ZNF804B: variants seen among roughly 807,000 people sequenced by gnomAD.
The protein encoded by ZNF804B is zinc finger protein 804B, also known as zinc finger 804B.
In ZNF804B, 80 loss-of-function variants were observed where a neutral mutation model predicts 101.4. That is an observed-to-expected ratio of 0.79 (90% CI 0.66 to 0.95). The LOEUF (loss-of-function observed/expected upper bound fraction) is 0.95. Ranked by LOEUF, ZNF804B falls within the 40% of genes least tolerant of loss-of-function variation. ZNF804B has a pLI of 0.00. For missense variants in ZNF804B, 1,673 were observed against 1,561.9 expected (o/e 1.07, Z -1.20); for synonymous variants, 622 against 558.8 (o/e 1.11, Z -1.59).
At chr7:89,272,806 G>A (rs1260858514) in intron 2 of ZNF804B, among the ~76,000 whole-genome samples, 1 of 151,972 alleles carries the variant, frequency 6.6e-6, no homozygotes, top group Non-Finnish European at 1.5e-5. Context: ...CATCAGATCA[G>A]GAAAACAAAA....
At chr7:88,849,231 A>G (rs1791417026) in intron 1 of ZNF804B, among the ~76,000 whole-genome samples, 1 of 152,062 alleles carries the variant, frequency 6.6e-6, no homozygotes, top group Admixed American at 6.6e-5. Flanking sequence ...GTACTCTCCA[A>G]TTTTATTTTT....
At chr7:89,128,244 TAAGC>T (rs1488406789) in intron 1 of ZNF804B, among the ~76,000 whole-genome samples, 1 of 151,914 alleles carries the variant, frequency 6.6e-6, no homozygotes, top group African/African-American at 2.4e-5. Flanking sequence ...ATGTAGTTGT[TAAGC>T]AATATTAAAA....
intron 1 of ZNF804B, among the ~76,000 whole-genome samples, chr7:89,167,814 T>A (rs903515345): frequency 6.6e-6 from 1 of 152,138 alleles, no homozygotes; most frequent in Non-Finnish European, 1.5e-5. Flanking sequence ...TTAAGTTATA[T>A]AACTTGTCAT....
intron 2 of ZNF804B, among the ~76,000 whole-genome samples, chr7:89,230,276 TTAAC>T (rs1789169357): frequency 6.7e-6 from 1 of 148,338 alleles, no homozygotes. Context: ...TTTAATCAGG[TTAAC>T]TAAGGAGAGA....
chr7:89,252,897 A>AT (rs1789564040), intron 2 of ZNF804B, among the ~76,000 whole-genome samples: 1 of 152,064 alleles, frequency 6.6e-6, no homozygotes, highest in African/African-American at 2.4e-5. Flanking sequence ...GAGGGGGACA[A>AT]TTTTTCAAAA....
Position 89,333,678 on chromosome 7 carries a change from A to G in ZNF804B, c.696A>G (p.Glu232=). 1.2e-6 allele frequency: 2 copies of G among 1,613,490 alleles called. No individual in the cohort carries two copies. Among genetic ancestry groups the G allele is most frequent in the Non-Finnish European group, 1.7e-6 (2 of 1,179,678 alleles). Reference sequence around the variant, plus strand: ...CCAAAAAAGTGCACCTAAAATTAGAATCTTCAGCATCAGTTTTCAGTGAGA... The same window carrying G: ...CCAAAAAAGTGCACCTAAAATTAGAGTCTTCAGCATCAGTTTTCAGTGAGA... ...TFSKKVHLKL[E]SSASVFSENT... The change falls in exon 4 of 4, where the codon GAA becomes GAG. Residue 232 remains glutamate, a synonymous_variant. Coordinates refer to ENST00000333190, the MANE Select transcript of ZNF804B (RefSeq NM_181646.5).
At chr7:89,107,450 A>G (rs1027402044) in intron 1 of ZNF804B, among the ~76,000 whole-genome samples, 1 of 152,156 alleles carries the variant, frequency 6.6e-6, no homozygotes, top group Non-Finnish European at 1.5e-5. Flanking sequence ...TCAGCCACCA[A>G]CACTCCTTTC....
At chr7:89,248,916 T>G (rs1310538668) in intron 2 of ZNF804B, among the ~76,000 whole-genome samples, 1 of 151,370 alleles carries the variant, frequency 6.6e-6, no homozygotes, top group Non-Finnish European at 1.5e-5. Flanking sequence ...TAGCAGCACC[T>G]ATACTGTCAA....
At chr7:88,886,239 CTATA>C (rs1432473348) in intron 1 of ZNF804B, among the ~76,000 whole-genome samples, 3 of 152,010 alleles carry the variant, frequency 2.0e-5, no homozygotes, top group African/African-American at 7.2e-5. Context: ...GATACTCTTC[CTATA>C]CAGATTTCTT....
chr7:88,877,049 A>ATTTTTTTTTTTTTT (rs869097226), intron 1 of ZNF804B, among the ~76,000 whole-genome samples: 1 of 13,912 alleles, frequency 7.2e-5, no homozygotes, highest in African/African-American at 4.3e-4. Flanking sequence ...ATATATATAT[A>ATTTTTTTTTTTTTT]TTTTTTTTTT....
At chr7:89,017,945 A>G (rs377400174) in intron 1 of ZNF804B, among the ~76,000 whole-genome samples, 8 of 152,176 alleles carry the variant, frequency 5.3e-5, no homozygotes, top group African/African-American at 1.9e-4. Flanking sequence ...TATGCATAAG[A>G]TTGTGTCATC....
chr7:88,857,612 C>T (rs539459667), intron 1 of ZNF804B, among the ~76,000 whole-genome samples: 18 of 151,952 alleles, frequency 1.2e-4, no homozygotes, highest in African/African-American at 3.4e-4. Context: ...GAAATTGAGG[C>T]AATAATTAAT....
At chr7:88,937,970 G>A (rs977894461) in intron 1 of ZNF804B, among the ~76,000 whole-genome samples, 5 of 152,092 alleles carry the variant, frequency 3.3e-5, no homozygotes, top group African/African-American at 1.2e-4. Flanking sequence ...ACAGCCCTCA[G>A]GAGGTCCTGG....
intron 1 of ZNF804B, among the ~76,000 whole-genome samples, chr7:88,775,807 G>A (rs887472077): frequency 6.6e-6 from 1 of 152,228 alleles, no homozygotes; most frequent in Admixed American, 6.5e-5. Context: ...TGGTGACAAA[G>A]CTTGTCTCTT....
In ZNF804B at chr7:89,335,970, A is replaced by G; in HGVS notation, c.2988A>G (p.Ala996=). The G allele has an allele frequency of 6.2e-7, 1 of 1,614,098 alleles. No homozygotes were observed. Among genetic ancestry groups the G allele is most frequent in the Non-Finnish European group, 8.5e-7 (1 of 1,179,990 alleles). Residue 996 remains alanine, a synonymous_variant, in exon 4 of 4, where the codon GCA becomes GCG. Coordinates refer to ENST00000333190, the MANE Select transcript of ZNF804B (RefSeq NM_181646.5). ...AGAGCAGAAATGATCAAGACAGTGC[A>G]ATTCCAAGGACTACGGAGAAAGACA... ...ASESRNDQDS[A]IPRTTEKDKS...
At chr7:89,172,117 G>A (rs1369945302) in intron 1 of ZNF804B, among the ~76,000 whole-genome samples, 1 of 152,068 alleles carries the variant, frequency 6.6e-6, no homozygotes, top group East Asian at 1.9e-4. Flanking sequence ...ATCAGACAAA[G>A]GAAGGAAGCA....
intron 1 of ZNF804B, among the ~76,000 whole-genome samples, chr7:89,045,279 C>G (rs954832909): frequency 2.0e-5 from 3 of 152,220 alleles, no homozygotes; most frequent in African/African-American, 7.2e-5. Flanking sequence ...AGGCAGAAGT[C>G]TGCTGCAGGG....
chr7:88,792,173 G>A (rs555749896), intron 1 of ZNF804B, among the ~76,000 whole-genome samples: 7 of 152,028 alleles, frequency 4.6e-5, no homozygotes, highest in East Asian at 3.9e-4. Flanking sequence ...GTATTTTATC[G>A]GTTAAGGCAG....
chr7:88,820,281 A>G (rs1286813709), intron 1 of ZNF804B, among the ~76,000 whole-genome samples: 2 of 152,132 alleles, frequency 1.3e-5, no homozygotes, highest in Non-Finnish European at 2.9e-5. Context: ...AATACAATAG[A>G]CTTTTTTATG....
Sources: gnomAD v4.1 joint callset for allele counts (sites outside exome capture counted in the v4.1 genomes callset) on GRCh38, gnomAD v4.1.1 for gene constraint, MANE v1.5 for transcripts, NCBI Gene and HGNC (gene_info 2026-07-23, HGNC 2026-07-21) for gene names.